KLRG1: variants seen among roughly 807,000 people sequenced by gnomAD.
KLRG1 encodes the protein killer cell lectin like receptor G1.
KLRG1 carries 16 observed loss-of-function variants against 21.8 expected under a neutral mutation model. The observed-to-expected ratio is 0.73, with a 90% confidence interval of 0.50 to 1.11. The LOEUF (loss-of-function observed/expected upper bound fraction) is 1.11. Ranked by LOEUF, KLRG1 falls within the 50% of genes most tolerant of loss-of-function variation. The pLI, the probability that KLRG1 is intolerant of heterozygous loss-of-function variation, is 0.00. For synonymous variants in KLRG1, 69 were observed against 75.9 expected (o/e 0.91, Z 0.47); for missense variants, 173 against 218.3 (o/e 0.79, Z 1.31).
chr12:9,135,350 CT>C, the KLRG1 span: 5 of 316,862 alleles, frequency 1.6e-5, no homozygotes, highest in South Asian at 3.8e-5. Context: ...GCTGTTCAAG[CT>C]TTTCCCAAGT....
the KLRG1 span, among the ~76,000 whole-genome samples, chr12:9,185,311 C>G: frequency 6.6e-6 from 1 of 152,096 alleles, no homozygotes; most frequent in African/African-American, 2.4e-5. Context: ...GCAGAACAGA[C>G]CAAGCTGAGG....
At chr12:8,993,836 T>G (rs1471935676) in intron 2 of KLRG1, among the ~76,000 whole-genome samples, 1 of 152,128 alleles carries the variant, frequency 6.6e-6, no homozygotes. Context: ...AATACTACTT[T>G]CCCCACTTTG....
chr12:9,046,434 G>A, the KLRG1 span, among the ~76,000 whole-genome samples: 1 of 152,292 alleles, frequency 6.6e-6, no homozygotes, highest in Admixed American at 6.5e-5. Flanking sequence ...TACATACCAA[G>A]ACATCTGCAC....
At chr12:9,190,504 G>A in the KLRG1 span, among the ~76,000 whole-genome samples, 1 of 152,094 alleles carries the variant, frequency 6.6e-6, no homozygotes, top group African/African-American at 2.4e-5. Context: ...GAGGGTGGAG[G>A]GCGGGAGGAG....
the KLRG1 span, chr12:9,090,379 C>T: frequency 2.5e-6 from 4 of 1,613,970 alleles, no homozygotes; most frequent in East Asian, 2.2e-5. Flanking sequence ...GGTTACTGCC[C>T]AGGACACAGT....
the KLRG1 span, among the ~76,000 whole-genome samples, chr12:9,095,993 T>C: frequency 1.3e-5 from 2 of 151,274 alleles, no homozygotes; most frequent in Non-Finnish European, 2.9e-5. Flanking sequence ...TCTCCTGACC[T>C]CATGATCCAC....
the KLRG1 span, chr12:9,068,762 T>C: frequency 6.2e-7 from 1 of 1,607,186 alleles, no homozygotes; most frequent in Non-Finnish European, 8.5e-7. Flanking sequence ...AATCATAGAC[T>C]TTCACTATGG....
the KLRG1 span, chr12:9,169,100 A>T: frequency 1.5e-6 from 1 of 654,194 alleles, no homozygotes; most frequent in Non-Finnish European, 2.6e-6. Flanking sequence ...AACACTTGAC[A>T]GTAAATATAG....
chr12:9,074,975 T>C, the KLRG1 span, among the ~76,000 whole-genome samples: 1 of 152,224 alleles, frequency 6.6e-6, no homozygotes, highest in Non-Finnish European at 1.5e-5. Flanking sequence ...ATATTGATGC[T>C]GGAGTCAGAA....
intron 1 of KLRG1, among the ~76,000 whole-genome samples, chr12:8,968,493 C>T (rs1389578747): frequency 3.3e-5 from 5 of 152,118 alleles, no homozygotes; most frequent in Admixed American, 3.3e-4. Flanking sequence ...TCTAAGAGAA[C>T]TTGAGAGGAA....
chr12:9,149,648 C>T, the KLRG1 span: 1 of 1,586,602 alleles, frequency 6.3e-7, no homozygotes. Context: ...GATCTATGAA[C>T]TAGGGACCAT....
the KLRG1 span, chr12:9,166,272 T>C: frequency 6.6e-7 from 1 of 1,510,912 alleles, no homozygotes; most frequent in South Asian, 1.2e-5. Context: ...TGTGAGACGT[T>C]AGAGAACAAA....
the KLRG1 span, chr12:9,208,223 C>A: frequency 1.3e-6 from 2 of 1,546,884 alleles, no homozygotes; most frequent in South Asian, 2.2e-5. Flanking sequence ...GAGACTGAAA[C>A]GCACTCTGGA....
At chr12:8,963,170 C>T (rs946162492) in intron 1 of KLRG1, among the ~76,000 whole-genome samples, 3 of 152,146 alleles carry the variant, frequency 2.0e-5, no homozygotes, top group Non-Finnish European at 4.4e-5. Flanking sequence ...GAGTTCTATG[C>T]ATTCAAAAAT....
the KLRG1 span, among the ~76,000 whole-genome samples, chr12:9,172,996 C>T: frequency 1.3e-5 from 2 of 152,226 alleles, no homozygotes; most frequent in Non-Finnish European, 2.9e-5. Context: ...ATCTACAGAA[C>T]TCTCCACCAA....
chr12:9,094,453 G>A, the KLRG1 span, among the ~76,000 whole-genome samples: 10 of 148,920 alleles, frequency 6.7e-5, no homozygotes, highest in Admixed American at 4.7e-4. Context: ...TAAAATATGC[G>A]GTAGGCTTCA....
At chr12:9,179,413 T>A in the KLRG1 span, among the ~76,000 whole-genome samples, 1 of 152,146 alleles carries the variant, frequency 6.6e-6, no homozygotes, top group Non-Finnish European at 1.5e-5. Flanking sequence ...AATAATAAAA[T>A]AAATAAATCA....
intron 1 of KLRG1, among the ~76,000 whole-genome samples, chr12:8,979,018 C>CTTTTTTT (rs751926947): frequency 1.6e-5 from 2 of 127,998 alleles, no homozygotes; most frequent in Non-Finnish European, 3.4e-5. Context: ...CCTGGCCTGT[C>CTTTTTTT]TTTTTTTTTT....
chr12:9,072,858 G>A, the KLRG1 span: 2 of 1,613,738 alleles, frequency 1.2e-6, no homozygotes, highest in Non-Finnish European at 1.7e-6. Context: ...AGCATGGAGA[G>A]CCACCACTGT....
Sources: allele counts gnomAD v4.1 joint callset (sites outside exome capture counted in the v4.1 genomes callset), GRCh38; gene constraint gnomAD v4.1.1; transcripts MANE v1.5; gene names NCBI Gene and HGNC (gene_info 2026-07-23, HGNC 2026-07-21).